Variants in GARIN2 observed in about 807,000 individuals in gnomAD.
GARIN2 encodes the protein Golgi-associated RAB2 interactor protein 2.
chr14:67,198,423 G>T, the GARIN2 span: 5 of 1,114,060 alleles, frequency 4.5e-6, no homozygotes, highest in Non-Finnish European at 6.5e-6. Context: ...TGTGCCGAGG[G>T]AATGTGTGAT....
At chr14:67,199,609 G>C in the GARIN2 span, 1 of 1,589,634 alleles carries the variant, frequency 6.3e-7, no homozygotes, top group Non-Finnish European at 8.6e-7. Context: ...AGGACTCCAA[G>C]GGTGAGCGCC....
At chr14:67,226,754 A>G in the GARIN2 span, among the ~76,000 whole-genome samples, 5 of 152,158 alleles carry the variant, frequency 3.3e-5, no homozygotes, top group Non-Finnish European at 7.3e-5. Context: ...AAAACAACAA[A>G]TGTCCACACT....
At chr14:67,211,408 C>G in the GARIN2 span, among the ~76,000 whole-genome samples, 3 of 151,994 alleles carry the variant, frequency 2.0e-5, no homozygotes, top group African/African-American at 7.3e-5. Context: ...ACTATACTAC[C>G]CAATAAACTG....
chr14:67,227,892 G>A, the GARIN2 span, among the ~76,000 whole-genome samples: 2 of 152,088 alleles, frequency 1.3e-5, no homozygotes, highest in South Asian at 2.1e-4. Context: ...TTTCTTGGCC[G>A]GGTGCGGTGG....
the GARIN2 span, among the ~76,000 whole-genome samples, chr14:67,193,237 G>T: frequency 3.3e-5 from 4 of 122,692 alleles, no homozygotes; most frequent in South Asian, 2.7e-4. Context: ...TCTCTATATA[G>T]ACATCTATCT....
the GARIN2 span, among the ~76,000 whole-genome samples, chr14:67,217,250 G>A: frequency 6.6e-6 from 1 of 151,200 alleles, no homozygotes; most frequent in South Asian, 2.1e-4. Flanking sequence ...GTTTCCATTT[G>A]CATCGAATAT....
At chr14:67,223,461 T>C in the GARIN2 span, among the ~76,000 whole-genome samples, 3 of 152,218 alleles carry the variant, frequency 2.0e-5, no homozygotes, top group Non-Finnish European at 4.4e-5. Flanking sequence ...AAAACCCTTT[T>C]GGTAGTTAAG....
chr14:67,226,436 C>T, the GARIN2 span, among the ~76,000 whole-genome samples: 1 of 152,214 alleles, frequency 6.6e-6, no homozygotes, highest in Non-Finnish European at 1.5e-5. Flanking sequence ...TCTTGGCTCA[C>T]TGCAACCTCT....
At chr14:67,199,977 G>C in the GARIN2 span, 3 of 1,150,728 alleles carry the variant, frequency 2.6e-6, no homozygotes, top group Admixed American at 8.5e-5. Flanking sequence ...ATCCAGGGAT[G>C]TCTCAGATGC....
At chr14:67,198,287 A>T in the GARIN2 span, 1 of 1,613,810 alleles carries the variant, frequency 6.2e-7, no homozygotes, top group Middle Eastern at 1.6e-4. Context: ...CCCCTTTTGT[A>T]TCTCCTCCCA....
the GARIN2 span, among the ~76,000 whole-genome samples, chr14:67,207,673 A>G: frequency 1.4e-3 from 206 of 152,342 alleles, 2 homozygotes; most frequent in Non-Finnish European, 1.3e-3. Context: ...TTCTGAGCGA[A>G]TCAGAGAGTG....
chr14:67,195,878 T>C, the GARIN2 span, among the ~76,000 whole-genome samples: 1 of 151,862 alleles, frequency 6.6e-6, no homozygotes, highest in Non-Finnish European at 1.5e-5. Context: ...CAAGTGGGCC[T>C]ATATTGAGAG....
At chr14:67,198,145 G>A in the GARIN2 span, 2 of 1,602,938 alleles carry the variant, frequency 1.2e-6, no homozygotes, top group East Asian at 2.2e-5. Context: ...GTTTTTTTAT[G>A]TTTATGTGCA....
the GARIN2 span, chr14:67,227,533 T>C: frequency 2.6e-5 from 4 of 152,154 alleles, no homozygotes; most frequent in Admixed American, 2.0e-4. Context: ...TTTTTTTTAA[T>C]GGTAGAAAAA....
chr14:67,221,960 C>G, the GARIN2 span: 1 of 915,330 alleles, frequency 1.1e-6, no homozygotes. Flanking sequence ...TTCTGAGAAT[C>G]CTATACTGAA....
the GARIN2 span, chr14:67,204,767 C>A: frequency 6.2e-7 from 1 of 1,613,820 alleles, no homozygotes. Context: ...ACGAATAGCA[C>A]AGACATCACA....
chr14:67,224,902 G>A, the GARIN2 span: 1 of 423,634 alleles, frequency 2.4e-6, no homozygotes. Context: ...CTCTAAAAGG[G>A]AACCTGCTTG....
chr14:67,222,175 T>C, the GARIN2 span: 1 of 222,594 alleles, frequency 4.5e-6, no homozygotes, highest in Admixed American at 5.5e-5. Context: ...CTTGCTGATA[T>C]ATAACGGGAA....
chr14:67,214,335 T>C, the GARIN2 span, among the ~76,000 whole-genome samples: 2 of 152,214 alleles, frequency 1.3e-5, no homozygotes, highest in African/African-American at 2.4e-5. Context: ...CTTGAATTAA[T>C]TTTTGTATAA....
Sources: allele counts gnomAD v4.1 joint callset (sites outside exome capture counted in the v4.1 genomes callset), GRCh38; gene constraint gnomAD v4.1.1; transcripts MANE v1.5; gene names NCBI Gene and HGNC (gene_info 2026-07-23, HGNC 2026-07-21).